NRAP: variants seen among roughly 807,000 people sequenced by gnomAD.
The protein encoded by NRAP is nebulin-related-anchoring protein.
A neutral mutation model predicts 225.9 loss-of-function variants in NRAP; 189 were observed. The observed-to-expected ratio is 0.84, with a 90% CI of 0.74 to 0.94. The LOEUF (loss-of-function observed/expected upper bound fraction) is 0.94, where lower values mean the gene tolerates loss of function less well. Among genes scored for constraint, NRAP ranks in the 40% least tolerant of loss-of-function variants. The pLI, the probability that NRAP is intolerant of heterozygous loss-of-function variation, is 0.00. For synonymous variants in NRAP, 769 were observed against 790.7 expected (o/e 0.97, Z 0.46); for missense variants, 2,176 against 2,168.7 (o/e 1.00, Z -0.07).
At chr10:113,631,323 T>TA (rs368986367) in intron 18 of NRAP, among the ~76,000 whole-genome samples, 186 bp downstream of exon 18, 10 of 151,512 alleles carry the variant, frequency 6.6e-5, no homozygotes, top group South Asian at 4.2e-4. Context: ...CTTATCTATT[T>TA]AAAAAAAAAT....
At chr10:113,619,890 C>T (rs543020905) in intron 25 of NRAP, among the ~76,000 whole-genome samples, 266 of 152,258 alleles carry the variant, frequency 1.7e-3, no homozygotes, top group Non-Finnish European at 3.2e-3. Context: ...GGGGGGCTTT[C>T]GGCAATGTCT....
intron 40 of NRAP, 104 bp from the exon 41 acceptor site, chr10:113,589,901 T>TTGTC (rs1845853505): frequency 1.5e-6 from 2 of 1,296,950 alleles, no homozygotes; most frequent in African/African-American, 1.5e-5. Context: ...TGAGACTATG[T>TTGTC]TGTCTGTCAT....
At chr10:113,645,697 G>A (rs746641219) in intron 11 of NRAP, 128 bp downstream of exon 11, 18 of 556,870 alleles carry the variant, frequency 3.2e-5, no homozygotes, top group Middle Eastern at 4.9e-4. Context: ...GATCACAGGC[G>A]TGAGCCACCG....
intron 13 of NRAP, among the ~76,000 whole-genome samples, chr10:113,640,585 A>G (rs1170486332): frequency 6.6e-6 from 1 of 152,108 alleles, no homozygotes; most frequent in East Asian, 1.9e-4. Context: ...GCTGCTTGTC[A>G]TTTTTGTTGA....
intron 35 of NRAP, among the ~76,000 whole-genome samples, chr10:113,599,131 C>T (rs892937388): frequency 3.3e-5 from 5 of 152,244 alleles, no homozygotes; most frequent in African/African-American, 9.6e-5. Flanking sequence ...ATAAGCTCTG[C>T]TGTAACGCAA....
At chr10:113,604,113 C>T (rs1014036144) in intron 35 of NRAP, among the ~76,000 whole-genome samples, 2 of 151,974 alleles carry the variant, frequency 1.3e-5, no homozygotes, top group African/African-American at 2.4e-5. Flanking sequence ...AGAAGGTGGT[C>T]AATAAAGACT....
At chr10:113,615,676 C>A (rs762928009) in intron 27 of NRAP, 36 bp downstream of exon 27, 2 of 1,182,710 alleles carry the variant, frequency 1.7e-6, no homozygotes, top group South Asian at 1.2e-5. Flanking sequence ...CCCGCTCTCC[C>A]GTCATTAAAA....
intron 7 of NRAP, among the ~76,000 whole-genome samples, chr10:113,651,102 G>T (rs1158662666): frequency 6.6e-6 from 1 of 152,192 alleles, no homozygotes; most frequent in East Asian, 1.9e-4. Flanking sequence ...CATCCAATTT[G>T]GTACTAATCC....
At chr10:113,624,069 T>G (rs572919495) in intron 22 of NRAP, among the ~76,000 whole-genome samples, 10 of 152,288 alleles carry the variant, frequency 6.6e-5, no homozygotes, top group African/African-American at 2.4e-4. Context: ...CCTGGGTCTT[T>G]TCCTTGCGCC....
At position 113,604,854 on chromosome 10, in the gene NRAP, C is replaced by T. The variant is rs1053814727; in HGVS notation, c.3982G>A (p.Asp1328Asn). The T allele has an allele frequency of 1.1e-5, 18 of 1,614,068 alleles. No homozygotes were observed. The highest frequency in any genetic ancestry group is 6.7e-5 in the East Asian group (3 of 44,892). ...CGCCGGCAGTGCTGGATCCGGGGGT[C>T]GTCTCTTACACTCTGGGGCCCTATG... ...KLIGPQSVRDDPRIQHCRRMG... is the reference protein window; with the variant it reads ...KLIGPQSVRDNPRIQHCRRMG... Residue 1328 changes from aspartate to asparagine, a missense_variant, in exon 35 of 42, where the codon GAC becomes AAC. Physicochemically the swap from Asp to Asn is conservative, Grantham distance 23. Coordinates refer to ENST00000359988, the MANE Select transcript of NRAP (RefSeq NM_198060.4).
intron 24 of NRAP, 32 bp downstream of exon 24, chr10:113,621,837 C>T: frequency 6.4e-7 from 1 of 1,571,130 alleles, no homozygotes; most frequent in East Asian, 2.3e-5. Context: ...CACACATACA[C>T]ACACAAGTGC....
At chr10:113,640,115 C>A (rs1226235135) in intron 14 of NRAP, 112 bp downstream of exon 14, 1 of 617,234 alleles carries the variant, frequency 1.6e-6, no homozygotes, top group Non-Finnish European at 2.9e-6. Flanking sequence ...ATCCCTTCAA[C>A]CTCTTATGAA....
At chr10:113,661,221 T>C (rs1183303929) in intron 3 of NRAP, among the ~76,000 whole-genome samples, 1 of 152,176 alleles carries the variant, frequency 6.6e-6, no homozygotes, top group African/African-American at 2.4e-5. Context: ...CACCGTAAAA[T>C]GGGATAATAG....
intron 4 of NRAP, among the ~76,000 whole-genome samples, chr10:113,655,644 T>G (rs1850265101): frequency 6.6e-6 from 1 of 151,954 alleles, no homozygotes; most frequent in Non-Finnish European, 1.5e-5. Flanking sequence ...TTAGTAGAGA[T>G]GGGCCATGTT....
At chr10:113,650,592 G>T in intron 7 of NRAP, 47 bp from the exon 8 acceptor site, 2 of 1,251,262 alleles carry the variant, frequency 1.6e-6, no homozygotes, top group Non-Finnish European at 2.4e-6. Context: ...TTTATCAGAT[G>T]ATCTTAGTGA....
intron 20 of NRAP, among the ~76,000 whole-genome samples, chr10:113,626,828 C>T (rs904962810): frequency 1.3e-5 from 2 of 152,202 alleles, no homozygotes; most frequent in Admixed American, 1.3e-4. Flanking sequence ...CTCCTAGTGT[C>T]CCCATCTCAC....
At chr10:113,653,889 G>A (rs1039841711) in intron 5 of NRAP, 132 bp downstream of exon 5, 9 of 715,064 alleles carry the variant, frequency 1.3e-5, no homozygotes, top group Admixed American at 9.5e-5. Flanking sequence ...TGGTTTCAGG[G>A]ATTAGGACAT....
Position 113,629,036 on chromosome 10 carries a change from C to G in NRAP, c.2041-15G>C, listed in dbSNP as rs762209939. On this transcript the variant is annotated splice_polypyrimidine_tract_variant and intron_variant, in intron 19 of 41. Transcript: ENST00000359988. Reference sequence around the variant, plus strand: ...TTGTACTGCAGCTACAAAAGAAAAACCACAAAGCTCTCATTGGGCGCATGG... The same window carrying G: ...TTGTACTGCAGCTACAAAAGAAAAAGCACAAAGCTCTCATTGGGCGCATGG... 4 of 1,576,936 alleles carry G rather than the reference C, an allele frequency of 2.5e-6. No individual in the cohort carries two copies. The highest frequency in any genetic ancestry group is 2.7e-5 in the African/African-American group (2 of 74,130).
chr10:113,606,124 G>A (rs1846948122), intron 33 of NRAP, 54 bp downstream of exon 33: 1 of 1,288,074 alleles, frequency 7.8e-7, no homozygotes, highest in Admixed American at 1.7e-5. Context: ...CTTCACAGAT[G>A]TAGACATACA....
Sources: gnomAD v4.1 joint callset for allele counts (sites outside exome capture counted in the v4.1 genomes callset) on GRCh38, gnomAD v4.1.1 for gene constraint, MANE v1.5 for transcripts, NCBI Gene and HGNC (gene_info 2026-07-23, HGNC 2026-07-21) for gene names.